GRM5: variants seen among roughly 807,000 people sequenced by gnomAD.
The protein encoded by GRM5 is metabotropic glutamate receptor 5.
Under a neutral mutation model 83.1 loss-of-function variants are expected in GRM5, and 19 were observed. The observed-to-expected ratio is 0.23, with a 90% CI of 0.16 to 0.34. The LOEUF (loss-of-function observed/expected upper bound fraction) is 0.34. Among genes scored for constraint, GRM5 ranks in the 10% least tolerant of loss-of-function variants. The pLI, the probability that GRM5 is intolerant of heterozygous loss-of-function variation, is 1.00. For synonymous variants in GRM5, 675 were observed against 633.6 expected (o/e 1.07, Z -0.98); for missense variants, 1,160 against 1,588.3 (o/e 0.73, Z 4.58).
chr11:88,527,766 AG>A (rs1197379521), intron 8 of GRM5, among the ~76,000 whole-genome samples: 2 of 152,210 alleles, frequency 1.3e-5, no homozygotes, highest in African/African-American at 2.4e-5. Context: ...AGTCATAAAA[AG>A]AATGAGATCA....
At chr11:88,688,870 T>C (rs1244903123) in intron 3 of GRM5, among the ~76,000 whole-genome samples, 1 of 152,096 alleles carries the variant, frequency 6.6e-6, no homozygotes, top group Non-Finnish European at 1.5e-5. Context: ...GAACAGTTAG[T>C]TAACCTCCAT....
At chr11:88,962,227 T>C (rs1938807219) in intron 2 of GRM5, among the ~76,000 whole-genome samples, 2 of 152,182 alleles carry the variant, frequency 1.3e-5, no homozygotes, top group African/African-American at 2.4e-5. Flanking sequence ...AATACACTTA[T>C]GCATCAGTTT....
intron 2 of GRM5, among the ~76,000 whole-genome samples, chr11:88,881,526 G>T (rs1194903179): frequency 1.3e-5 from 2 of 152,124 alleles, no homozygotes; most frequent in African/African-American, 4.8e-5. Context: ...TCAGTTATAT[G>T]GAATAGCAAG....
At chr11:88,862,225 A>G (rs543621302) in intron 2 of GRM5, among the ~76,000 whole-genome samples, 1 of 152,300 alleles carries the variant, frequency 6.6e-6, no homozygotes, top group South Asian at 2.1e-4. Flanking sequence ...GGTTTTTGGG[A>G]AATGGCTTAC....
chr11:89,065,305 CACACACAG>C (rs777717724), intron 1 of GRM5, among the ~76,000 whole-genome samples: 78 of 124,094 alleles, frequency 6.3e-4, no homozygotes, highest in African/African-American at 1.1e-3. Context: ...CACACACACA[CACACACAG>C]ACAGAGGGAG....
intron 2 of GRM5, among the ~76,000 whole-genome samples, chr11:88,992,534 T>G (rs867724818): frequency 6.6e-6 from 1 of 151,366 alleles, no homozygotes; most frequent in East Asian, 1.9e-4. Flanking sequence ...CCCGAAGGAT[T>G]ATAAATCATG....
intron 3 of GRM5, among the ~76,000 whole-genome samples, chr11:88,714,708 G>A (rs1433296157): frequency 6.6e-6 from 1 of 151,868 alleles, no homozygotes; most frequent in African/African-American, 2.4e-5. Flanking sequence ...ATGCTCATCA[G>A]AATTAGTCTG....
chr11:88,875,421 A>T, intron 2 of GRM5, among the ~76,000 whole-genome samples: 1 of 151,952 alleles, frequency 6.6e-6, no homozygotes, highest in East Asian at 1.9e-4. Context: ...TCTGTAGTTA[A>T]TTCTTCTACT....
chr11:88,520,891 A>G (rs1941664539), intron 9 of GRM5, among the ~76,000 whole-genome samples: 1 of 152,172 alleles, frequency 6.6e-6, no homozygotes, highest in Non-Finnish European at 1.5e-5. Context: ...AAAATCAGTT[A>G]CTCAACTAAT....
At chr11:88,664,933 A>G (rs1419689189) in intron 3 of GRM5, among the ~76,000 whole-genome samples, 4 of 152,330 alleles carry the variant, frequency 2.6e-5, no homozygotes, top group Non-Finnish European at 5.9e-5. Flanking sequence ...GAAAGACTAT[A>G]TGTATGAAAC....
At chr11:88,792,447 C>T (rs1943192476) in intron 3 of GRM5, among the ~76,000 whole-genome samples, 1 of 152,064 alleles carries the variant, frequency 6.6e-6, no homozygotes, top group Non-Finnish European at 1.5e-5. Flanking sequence ...AAGAAAACTA[C>T]TCTTTTTATG....
chr11:88,767,024 G>A (rs888427473), intron 3 of GRM5, among the ~76,000 whole-genome samples: 16 of 151,844 alleles, frequency 1.1e-4, no homozygotes, highest in African/African-American at 3.9e-4. Flanking sequence ...AGTCAGAATG[G>A]CTATTTAATT....
chr11:88,977,631 A>C (rs1591013803), intron 2 of GRM5, among the ~76,000 whole-genome samples: 1 of 152,384 alleles, frequency 6.6e-6, no homozygotes, highest in Admixed American at 6.5e-5. Flanking sequence ...GTCATATACA[A>C]GAATTTGAGA....
intron 7 of GRM5, among the ~76,000 whole-genome samples, chr11:88,573,727 A>C (rs1028429596): frequency 4.6e-5 from 7 of 152,194 alleles, no homozygotes; most frequent in African/African-American, 1.7e-4. Context: ...ATCTGTCCAG[A>C]GCACAAGGTG....
chr11:88,532,064 T>C (rs79800178), intron 8 of GRM5, among the ~76,000 whole-genome samples: 1,931 of 152,292 alleles, frequency 0.013, 43 homozygotes, highest in African/African-American at 0.044. Flanking sequence ...AACAGCCTGA[T>C]TTCTCTAAGA....
chr11:88,753,961 C>T (rs1159113537), intron 3 of GRM5, among the ~76,000 whole-genome samples: 5 of 152,014 alleles, frequency 3.3e-5, no homozygotes, highest in Non-Finnish European at 7.4e-5. Flanking sequence ...AAAAACAGCA[C>T]GGGAAAGACC....
chr11:88,897,590 G>A (rs1367539405), intron 2 of GRM5, among the ~76,000 whole-genome samples: 1 of 151,688 alleles, frequency 6.6e-6, no homozygotes, highest in African/African-American at 2.4e-5. Context: ...TTTGGTAATT[G>A]GGGACATTTT....
At chr11:88,528,000 G>A (rs984422260) in intron 8 of GRM5, among the ~76,000 whole-genome samples, 3 of 151,912 alleles carry the variant, frequency 2.0e-5, no homozygotes, top group African/African-American at 7.3e-5. Flanking sequence ...TATTACCTGG[G>A]TGATGAAATA....
chr11:88,521,594 C>G (rs1941691777), intron 9 of GRM5, among the ~76,000 whole-genome samples: 1 of 152,144 alleles, frequency 6.6e-6, no homozygotes, highest in South Asian at 2.1e-4. Context: ...AGCCACCTCC[C>G]TGTTTAGGAC....
Sources: allele counts gnomAD v4.1 joint callset (sites outside exome capture counted in the v4.1 genomes callset), GRCh38; gene constraint gnomAD v4.1.1; transcripts MANE v1.5; gene names NCBI Gene and HGNC (gene_info 2026-07-23, HGNC 2026-07-21).